Variants in ROBO2 observed in about 807,000 individuals in gnomAD.
ROBO2 encodes the protein roundabout homolog 2.
A neutral mutation model predicts 160.8 loss-of-function variants in ROBO2; 53 were observed. The ratio of observed to expected loss-of-function variants is 0.33; its 90% CI spans 0.26 to 0.41. The LOEUF (loss-of-function observed/expected upper bound fraction) is 0.41. ROBO2 is among the 10% of genes least tolerant of loss of function. The pLI, the probability that ROBO2 is intolerant of heterozygous loss-of-function variation, is 1.00. For synonymous variants in ROBO2, 664 were observed against 611.7 expected, an observed-to-expected ratio of 1.09 and a Z score of -1.26; for missense variants, 1,577 against 1,722.4, an observed-to-expected ratio of 0.92 and a Z score of 1.49.
chr3:76,961,265 A>C (rs1446442255), intron 2 of ROBO2, among the ~76,000 whole-genome samples: 1 of 151,820 alleles, frequency 6.6e-6, no homozygotes, highest in African/African-American at 2.4e-5. Context: ...AAAAAAAAAA[A>C]AAACACTAGT....
At chr3:76,248,371 C>T (rs919038585) in intron 2 of ROBO2, among the ~76,000 whole-genome samples, 30 of 151,576 alleles carry the variant, frequency 2.0e-4, no homozygotes, top group South Asian at 4.2e-4. Flanking sequence ...AATCATCATT[C>T]TCAGTAAACT....
chr3:76,851,764 A>AATATATATATATATATATAT (rs1553659596), intron 2 of ROBO2, among the ~76,000 whole-genome samples: 16 of 137,036 alleles, frequency 1.2e-4, no homozygotes, highest in African/African-American at 4.6e-4. Context: ...AAAAAAAAAA[A>AATATATATATATATATATAT]ATATTAACAT....
At chr3:76,892,540 T>G (rs917996696) in intron 2 of ROBO2, among the ~76,000 whole-genome samples, 1 of 152,080 alleles carries the variant, frequency 6.6e-6, no homozygotes, top group East Asian at 1.9e-4. Context: ...TGCCTTCAGG[T>G]GTCTTTTTAC....
chr3:76,093,254 C>A (rs183357906), intron 2 of ROBO2, among the ~76,000 whole-genome samples: 1 of 151,986 alleles, frequency 6.6e-6, no homozygotes, highest in African/African-American at 2.4e-5. Context: ...CTCATTTGTT[C>A]AATCTTGTGC....
At chr3:75,981,638 T>G (rs925320880) in intron 2 of ROBO2, among the ~76,000 whole-genome samples, 5 of 151,304 alleles carry the variant, frequency 3.3e-5, no homozygotes, top group African/African-American at 1.2e-4. Flanking sequence ...TTAAATTTTT[T>G]GTGGGTACAT....
At chr3:77,617,527 G>T in exon 22 of ROBO2, 1 of 1,614,148 alleles carries the variant, frequency 6.2e-7, no homozygotes, top group Non-Finnish European at 8.5e-7. Context: ...GACAGTGATA[G>T]CTGGTGCCCA....
chr3:76,797,544 A>G (rs2063796943), intron 2 of ROBO2, among the ~76,000 whole-genome samples: 2 of 151,974 alleles, frequency 1.3e-5, no homozygotes, highest in South Asian at 4.1e-4. Context: ...AGAACAAATC[A>G]TACCCAAATA....
intron 2 of ROBO2, among the ~76,000 whole-genome samples, chr3:77,365,368 G>A (rs1003179488): frequency 1.3e-5 from 2 of 152,078 alleles, no homozygotes; most frequent in African/African-American, 4.8e-5. Flanking sequence ...CACCCTCAGA[G>A]GGGAGTTACT....
At chr3:77,141,024 A>G (rs2076659423) in intron 2 of ROBO2, among the ~76,000 whole-genome samples, 1 of 152,160 alleles carries the variant, frequency 6.6e-6, no homozygotes, top group South Asian at 2.1e-4. Context: ...TAGGACATTC[A>G]TTGTCAGGAT....
At chr3:77,543,556 AG>A (rs1301880854) in intron 6 of ROBO2, among the ~76,000 whole-genome samples, 3 of 152,312 alleles carry the variant, frequency 2.0e-5, no homozygotes, top group African/African-American at 7.2e-5. Flanking sequence ...ATGTTTCAAA[AG>A]TTTGAAAATT....
In ROBO2 at chr3:76,164,354, C is replaced by T. The variant is rs115345435; in HGVS notation, c.109+226752C>T. 5.9e-3 allele frequency among the ~76,000 whole-genome samples: 894 copies of T among 152,294 alleles called. 5 individuals carry two copies. Among genetic ancestry groups the T allele is most frequent in the Middle Eastern group, 0.014 (4 of 292 alleles). Reference sequence around the variant, plus strand: ...CCTCCTCCCATGAATCACAAATGTCCTTAATGACATCTAGAAAGGTGAATT... The same window carrying T: ...CCTCCTCCCATGAATCACAAATGTCTTTAATGACATCTAGAAAGGTGAATT... On this transcript the variant is annotated intron_variant, in intron 2 of 26. Transcript: ENST00000487694.
chr3:76,105,774 G>A (rs150208498), intron 2 of ROBO2, among the ~76,000 whole-genome samples: 5 of 152,002 alleles, frequency 3.3e-5, no homozygotes, highest in Admixed American at 6.5e-5. Flanking sequence ...ACCAGAATGC[G>A]TCTCTGTGAG....
At chr3:77,033,167 T>C (rs1368503280) in intron 2 of ROBO2, among the ~76,000 whole-genome samples, 2 of 152,208 alleles carry the variant, frequency 1.3e-5, no homozygotes, top group African/African-American at 4.8e-5. Flanking sequence ...AGAATGCAGA[T>C]AGGTACTCAA....
chr3:76,874,067 G>A (rs1306127279), intron 2 of ROBO2, among the ~76,000 whole-genome samples: 1 of 152,128 alleles, frequency 6.6e-6, no homozygotes, highest in Non-Finnish European at 1.5e-5. Flanking sequence ...GAGGGAGCAG[G>A]TTAGTGGGCC....
chr3:77,523,384 T>C (rs2090813814), intron 6 of ROBO2, among the ~76,000 whole-genome samples: 2 of 151,332 alleles, frequency 1.3e-5, no homozygotes, highest in African/African-American at 4.8e-5. Flanking sequence ...TGAAAATGAA[T>C]ACAGAGGAGC....
At chr3:76,992,841 G>A (rs1458508639) in intron 2 of ROBO2, among the ~76,000 whole-genome samples, 1 of 151,718 alleles carries the variant, frequency 6.6e-6, no homozygotes, top group African/African-American at 2.4e-5. Context: ...TTTTTGAGAT[G>A]GAGTCTCACT....
chr3:76,190,779 C>A (rs192767667), intron 2 of ROBO2, among the ~76,000 whole-genome samples: 70 of 152,192 alleles, frequency 4.6e-4, no homozygotes, highest in African/African-American at 1.7e-3. Context: ...TCTTATGCTT[C>A]CCATTGCTGT....
At chr3:77,101,332 ATAT>A (rs1397272873) in intron 2 of ROBO2, among the ~76,000 whole-genome samples, 1 of 152,166 alleles carries the variant, frequency 6.6e-6, no homozygotes, top group African/African-American at 2.4e-5. Flanking sequence ...GTGACTGGGT[ATAT>A]AGTGCTACCA....
chr3:76,103,389 A>G (rs909523433), intron 2 of ROBO2, among the ~76,000 whole-genome samples: 1 of 152,208 alleles, frequency 6.6e-6, no homozygotes, highest in African/African-American at 2.4e-5. Context: ...TACTTAGTAT[A>G]GTTTTAAAAT....
Sources: gnomAD v4.1 joint callset for allele counts (sites outside exome capture counted in the v4.1 genomes callset) on GRCh38, gnomAD v4.1.1 for gene constraint, MANE v1.5 for transcripts, NCBI Gene and HGNC (gene_info 2026-07-23, HGNC 2026-07-21) for gene names.